The following PIK3C2G variants were observed in gnomAD, a reference collection of about 807,000 sequenced individuals.
PIK3C2G encodes phosphatidylinositol 3-kinase C2 domain-containing subunit gamma.
PIK3C2G carries 168 observed loss-of-function variants against 181.1 expected under a neutral mutation model. That is an observed-to-expected ratio of 0.93 (90% CI 0.82 to 1.05). The LOEUF is 1.05. Ranked by LOEUF, PIK3C2G falls within the 50% of genes least tolerant of loss-of-function variation. The probability of loss-of-function intolerance (pLI) is 0.00; values close to 1 mark genes in which losing one functional copy is unlikely to be tolerated. For synonymous variants in PIK3C2G, 573 were observed against 592.2 expected (o/e 0.97, Z 0.47); for missense variants, 1,869 against 1,732.8 (o/e 1.08, Z -1.40).
At chr12:18,641,420 C>A (rs1252436320) in intron 32 of PIK3C2G, among the ~76,000 whole-genome samples, 3 of 152,138 alleles carry the variant, frequency 2.0e-5, no homozygotes, top group Admixed American at 2.0e-4. Context: ...ATCAGTTATA[C>A]AGCAGCACTA....
the PIK3C2G span, among the ~76,000 whole-genome samples, chr12:18,680,557 T>C: frequency 6.6e-6 from 1 of 152,010 alleles, no homozygotes; most frequent in African/African-American, 2.4e-5. Flanking sequence ...CATCTTCTAT[T>C]TGAGACCCTA....
At chr12:18,323,733 C>G (rs1160777168) in intron 7 of PIK3C2G, among the ~76,000 whole-genome samples, 1 of 152,150 alleles carries the variant, frequency 6.6e-6, no homozygotes, top group East Asian at 1.9e-4. Flanking sequence ...TCAAAAAAAT[C>G]AAGCACTGGA....
chr12:18,604,220 A>C (rs1947889883), intron 30 of PIK3C2G, among the ~76,000 whole-genome samples: 1 of 152,224 alleles, frequency 6.6e-6, no homozygotes, highest in Non-Finnish European at 1.5e-5. Flanking sequence ...GCAAATGTAC[A>C]CCAAAAGCGA....
chr12:18,702,014 C>T, the PIK3C2G span, among the ~76,000 whole-genome samples: 6 of 151,846 alleles, frequency 4.0e-5, no homozygotes, highest in African/African-American at 7.3e-5. Context: ...TTACCATATG[C>T]CATTTTTTTT....
chr12:18,287,592 A>G (rs772288875), intron 3 of PIK3C2G, among the ~76,000 whole-genome samples: 13 of 152,206 alleles, frequency 8.5e-5, no homozygotes, highest in Non-Finnish European at 1.5e-5. Context: ...GCGGTAGCTC[A>G]CGCCTGTAAT....
intron 13 of PIK3C2G, chr12:18,372,498 A>G (rs1020525946): frequency 1.3e-5 from 2 of 152,190 alleles, no homozygotes. Flanking sequence ...CATTTCAAAG[A>G]TATGATTTGT....
chr12:18,472,327 T>C (rs1938536950), intron 18 of PIK3C2G, among the ~76,000 whole-genome samples: 1 of 152,212 alleles, frequency 6.6e-6, no homozygotes, highest in South Asian at 2.1e-4. Flanking sequence ...TTTTTTGGAC[T>C]CTGGATTTGT....
chr12:18,423,479 C>A (rs184385229), intron 17 of PIK3C2G, among the ~76,000 whole-genome samples: 3 of 151,988 alleles, frequency 2.0e-5, no homozygotes, highest in Admixed American at 6.6e-5. Flanking sequence ...GACTGAGTTA[C>A]GGTAGTAACA....
chr12:18,528,904 A>G (rs764691980), intron 24 of PIK3C2G, among the ~76,000 whole-genome samples: 1 of 152,190 alleles, frequency 6.6e-6, no homozygotes, highest in African/African-American at 2.4e-5. Context: ...TGTACTTGCT[A>G]TGCACTAGCT....
chr12:18,536,579 C>T (rs1943865391), intron 24 of PIK3C2G, among the ~76,000 whole-genome samples: 1 of 152,000 alleles, frequency 6.6e-6, no homozygotes, highest in African/African-American at 2.4e-5. Flanking sequence ...AATGTGCCAC[C>T]CTCCCTATGT....
At chr12:18,353,453 C>A (rs1940425222) in intron 11 of PIK3C2G, among the ~76,000 whole-genome samples, 1 of 152,210 alleles carries the variant, frequency 6.6e-6, no homozygotes, top group African/African-American at 2.4e-5. Flanking sequence ...CAAGCCGTTT[C>A]ACTTTGGTGA....
the PIK3C2G span, among the ~76,000 whole-genome samples, chr12:18,668,737 C>T: frequency 1.2e-4 from 19 of 152,144 alleles, no homozygotes; most frequent in Non-Finnish European, 2.5e-4. Context: ...TAGAAGTGCT[C>T]ACACCCCAAA....
intron 7 of PIK3C2G, among the ~76,000 whole-genome samples, chr12:18,323,463 G>A (rs2137480605): frequency 6.6e-6 from 1 of 152,242 alleles, no homozygotes; most frequent in South Asian, 2.1e-4. Flanking sequence ...CTGAATCAGT[G>A]CTTATTCCAC....
chr12:18,699,729 T>C, the PIK3C2G span: 1 of 1,464,052 alleles, frequency 6.8e-7, no homozygotes, highest in Non-Finnish European at 9.6e-7. Flanking sequence ...TTGAGCAATC[T>C]TAACACCCTA....
intron 24 of PIK3C2G, among the ~76,000 whole-genome samples, chr12:18,511,923 T>C (rs1386161789): frequency 6.6e-6 from 1 of 152,086 alleles, no homozygotes; most frequent in Non-Finnish European, 1.5e-5. Context: ...CCCTTATGTC[T>C]TCTTCTAGCA....
intron 12 of PIK3C2G, among the ~76,000 whole-genome samples, chr12:18,368,433 C>T (rs967307613): frequency 6.6e-6 from 1 of 152,096 alleles, no homozygotes; most frequent in African/African-American, 2.4e-5. Flanking sequence ...ATTTTTTGAG[C>T]ATAAATAGAT....
At position 18,399,824 on chromosome 12, in the gene PIK3C2G, G is replaced by T; in HGVS notation, c.2292G>T (p.Glu764Asp). The T allele has an allele frequency of 6.3e-7, 1 of 1,584,080 alleles. No homozygotes were observed. Among genetic ancestry groups the T allele is most frequent in the Non-Finnish European group, 8.6e-7 (1 of 1,160,424 alleles). The change falls in exon 16 of 33, where the codon GAG becomes GAT. Residue 764 changes from glutamate (E) to aspartate (D), a missense_variant. Glu to Asp is a conservative substitution (Grantham distance 45). Coordinates refer to ENST00000538779, the MANE Select transcript of PIK3C2G (RefSeq NM_001288772.2). ...LRRWTFSQPL[E>D]ALGLLTSSFP... ...GATGGACATTTTCTCAACCTTTAGA[G>T]GCTCTTGGGCTTTTGACTTCCAGGT...
chr12:18,299,900 C>T (rs933110718), intron 5 of PIK3C2G, among the ~76,000 whole-genome samples: 2 of 151,754 alleles, frequency 1.3e-5, no homozygotes, highest in Admixed American at 6.6e-5. Context: ...TGGTGTATTA[C>T]CTTTTTAATG....
chr12:18,693,707 G>A, the PIK3C2G span: 1 of 1,561,042 alleles, frequency 6.4e-7, no homozygotes, highest in Non-Finnish European at 8.8e-7. Flanking sequence ...AACAACGTTG[G>A]AACTGCTGAA....
Sources: allele counts gnomAD v4.1 joint callset (sites outside exome capture counted in the v4.1 genomes callset), GRCh38; gene constraint gnomAD v4.1.1; transcripts MANE v1.5; gene names NCBI Gene and HGNC (gene_info 2026-07-23, HGNC 2026-07-21).